DDX18: variants seen among roughly 807,000 people sequenced by gnomAD.
The protein encoded by DDX18 is ATP-dependent RNA helicase DDX18.
DDX18 carries 23 observed loss-of-function variants against 73.5 expected under a neutral mutation model. The ratio of observed to expected loss-of-function variants is 0.31; its 90% CI spans 0.23 to 0.44. The LOEUF (loss-of-function observed/expected upper bound fraction) is 0.44, where lower values mean the gene tolerates loss of function less well. DDX18 is among the 20% of genes least tolerant of loss of function. The probability of loss-of-function intolerance (pLI) is 1.00; values close to 1 mark genes in which losing one functional copy is unlikely to be tolerated. For synonymous variants in DDX18, 268 were observed against 282.7 expected (o/e 0.95, Z 0.52); for missense variants, 753 against 792.9 (o/e 0.95, Z 0.60).
rs763860711 is a variant in DDX18 at position 117,817,637 on chromosome 2, A to G, written c.279A>G (p.Leu93=). ...VTKSPQKSTV[L]TNGEAAMQSS... Reference sequence around the variant, plus strand: ...AGTCTCCCCAGAAATCCACTGTATTAACCAATGGAGAAGCAGCAATGCAGT... The same window carrying G: ...AGTCTCCCCAGAAATCCACTGTATTGACCAATGGAGAAGCAGCAATGCAGT... Residue 93 remains leucine, a synonymous_variant, in exon 2 of 14, where the codon TTA becomes TTG. Coordinates refer to ENST00000263239, the MANE Select transcript of DDX18 (RefSeq NM_006773.4). 6.2e-7 allele frequency: 1 copy of G among 1,613,930 alleles called. No individual in the cohort carries two copies. Among genetic ancestry groups the G allele is most frequent in the Non-Finnish European group, 8.5e-7 (1 of 1,179,906 alleles).
At chr2:117,821,514 A>G in intron 4 of DDX18, 136 bp from the exon 5 acceptor site, 3 of 1,110,654 alleles carry the variant, frequency 2.7e-6, no homozygotes, top group South Asian at 3.0e-5. Context: ...ATTTCAGTAT[A>G]TAACCCAGGT....
At chr2:117,818,102 A>G (rs1005016575) in intron 2 of DDX18, among the ~76,000 whole-genome samples, 7 of 152,318 alleles carry the variant, frequency 4.6e-5, no homozygotes, top group Middle Eastern at 3.4e-3. Flanking sequence ...AAGTATATAA[A>G]GTAGGAAACT....
chr2:117,831,357 T>A lies in DDX18; in HGVS notation c.*633T>A, dbSNP rs1680021516. 1 of 152,234 alleles carries A rather than the reference T, an allele frequency of 6.6e-6. No homozygotes were observed. The highest frequency in any genetic ancestry group is 1.5e-5 in the Non-Finnish European group (1 of 68,060). 9.4% of individuals were successfully genotyped at this position (152,234 alleles called of 1,614,324 possible). A position where few individuals can be genotyped will look rare whatever the true frequency, so the allele number is the denominator to read the frequency against. ...GTGTTGCATTTTTTGGAGCAAAAAC[T>A]ATGGGTTGTAATTTGAATAAAGTGT... On this transcript the variant is annotated 3_prime_UTR_variant, in exon 14 of 14. Transcript: ENST00000263239.
Position 117,825,512 on chromosome 2 carries a change from A to G in DDX18, c.1434A>G (p.Thr478=), listed in dbSNP as rs1679911550. The change falls in exon 10 of 14, where the codon ACA becomes ACG. Residue 478 remains threonine, a synonymous_variant. Transcript: ENST00000263239. ...FFQFCNADSG[T]LLCTDVAARG... is the part of the protein sequence containing the mutation. Reference sequence around the variant, plus strand: ...AGTTCTGCAATGCAGATTCGGGAACACTATTGTGTACGGATGTGGCAGCGA... The same window carrying G: ...AGTTCTGCAATGCAGATTCGGGAACGCTATTGTGTACGGATGTGGCAGCGA... The G allele has an allele frequency of 1.9e-6, 3 of 1,614,168 alleles. No individual in the cohort carries two copies. The highest frequency in any genetic ancestry group is 2.5e-6 in the Non-Finnish European group (3 of 1,180,016).
intron 8 of DDX18, 37 bp from the exon 9 acceptor site, chr2:117,824,903 T>G: frequency 2.6e-6 from 4 of 1,564,246 alleles, no homozygotes; most frequent in Non-Finnish European, 3.5e-6. Flanking sequence ...AATGTCCACT[T>G]GGTTCATTTG....
At position 117,825,054 on chromosome 2, in the gene DDX18, C is replaced by T. The variant is rs1278714563; in HGVS notation, c.1321C>T (p.His441Tyr). 1.9e-6 allele frequency: 3 copies of T among 1,613,508 alleles called. No homozygotes were observed. The highest frequency in any genetic ancestry group is 1.3e-5 in the African/African-American group (1 of 74,838). ...FFSSCMSVKY[H>Y]YELLNYIDLP... Reference sequence around the variant, plus strand: ...TTCATCTTGTATGTCTGTGAAATACCACTATGAGTTGCTGAACTACATTGA... The same window carrying T: ...TTCATCTTGTATGTCTGTGAAATACTACTATGAGTTGCTGAACTACATTGA... The change falls in exon 9 of 14, where the codon CAC becomes TAC. Residue 441 changes from histidine (H) to tyrosine (Y), a missense_variant. His to Tyr is a moderately conservative substitution (Grantham distance 83). Around this residue, in one of 3 missense-constraint regions of DDX18, gnomAD observed 402 missense variants for 419.4 expected, o/e 0.96. Coordinates refer to ENST00000263239, the MANE Select transcript of DDX18 (RefSeq NM_006773.4).
chr2:117,820,441 A>G (rs369585963), intron 3 of DDX18, among the ~76,000 whole-genome samples: 27 of 152,350 alleles, frequency 1.8e-4, no homozygotes, highest in African/African-American at 5.5e-4. Context: ...AAGATTGGTC[A>G]TCCTAAGCCT....
chr2:117,816,413 TTTTA>T (rs199727445), intron 1 of DDX18, among the ~76,000 whole-genome samples: 1 of 131,090 alleles, frequency 7.6e-6, no homozygotes, highest in Non-Finnish European at 1.6e-5. Context: ...GTGATTTTTA[TTTTA>T]TTTTTTTTTC....
In DDX18 at chr2:117,830,588, A is replaced by G. The variant is rs1241585358; in HGVS notation, c.1877A>G (p.Asn626Ser). 1 of 1,613,194 alleles carries G rather than the reference A, an allele frequency of 6.2e-7. No individual in the cohort carries two copies. Among genetic ancestry groups the G allele is most frequent in the Non-Finnish European group, 8.5e-7 (1 of 1,179,714 alleles). ...KVPPFVDLNVNSNEGKQKKRG... is the reference protein window; with the variant it reads ...KVPPFVDLNVSSNEGKQKKRG... Reference sequence around the variant, plus strand: ...CCTTAATGTTTGCCTCCAGACGTCAACAGTAATGAAGGCAAGCAGAAAAAG... The same window carrying G: ...CCTTAATGTTTGCCTCCAGACGTCAGCAGTAATGAAGGCAAGCAGAAAAAG... The change falls in exon 14 of 14, where the codon AAC becomes AGC. Residue 626 changes from asparagine (N) to serine (S), a missense_variant. Around this residue, in one of 3 missense-constraint regions of DDX18, gnomAD observed 402 missense variants for 419.4 expected, o/e 0.96. Coordinates refer to ENST00000263239, the MANE Select transcript of DDX18 (RefSeq NM_006773.4).
At position 117,814,825 on chromosome 2, in the gene DDX18, G is replaced by A; in HGVS notation, c.48G>A (p.Arg16=). The part of the protein sequence containing the change: ...MKLLRKKIEK[R]NLKLRQRNLK... ...TCCTGCGTAAGAAGATCGAGAAGCG[G>A]AACCTCAAATTGCGGCAGCGGAACC... Residue 16 remains arginine, a synonymous_variant, in exon 1 of 14, where the codon CGG becomes CGA. Coordinates refer to ENST00000263239, the MANE Select transcript of DDX18 (RefSeq NM_006773.4). The A allele has an allele frequency of 1.2e-6, 2 of 1,614,230 alleles. No individual in the cohort carries two copies. The highest frequency in any genetic ancestry group is 8.5e-7 in the Non-Finnish European group (1 of 1,180,040).
chr2:117,832,151 T>G lies in DDX18; in HGVS notation c.*1427T>G, dbSNP rs1680037271. On this transcript the variant is annotated 3_prime_UTR_variant, in exon 14 of 14. Transcript: ENST00000263239. The stretch of plus-strand genomic sequence containing the variant: ...TCCACGATCATGTTTTTCTGATTTT[T>G]TTTTTCAGAAATAATGTTTTTTAAA... 6.6e-6 allele frequency: 1 copy of G among 152,208 alleles called. No homozygotes were observed. Among genetic ancestry groups the G allele is most frequent in the African/African-American group, 2.4e-5 (1 of 41,450 alleles). The allele number at this position is 152,208 out of a possible 1,614,324, so 9.4% of individuals were successfully genotyped here. A position where few individuals can be genotyped will look rare whatever the true frequency, so the allele number is the denominator to read the frequency against.
Position 117,830,482 on chromosome 2 carries a change from TG to T in DDX18, c.1871-98del. ...ATTTTCATTGTTGAGAATGGGGTTG[TG>T]GAGGAACAGTAGTGTTCATGCCGGT... On this transcript the variant is annotated intron_variant, in intron 13 of 13. Transcript: ENST00000263239. The T allele has an allele frequency of 5.2e-6, 7 of 1,355,780 alleles. No individual in the cohort carries two copies. In the South Asian group the frequency reaches 9.0e-5, roughly 17 times the overall value. 84.0% of individuals were successfully genotyped at this position (1,355,780 alleles called of 1,614,324 possible). A position where few individuals can be genotyped will look rare whatever the true frequency, so the allele number is the denominator to read the frequency against.
chr2:117,825,944 A>G, intron 10 of DDX18: 1 of 391,236 alleles, frequency 2.6e-6, no homozygotes. Context: ...AAGTATTTTC[A>G]ACAAACACTG....
rs1171331744 is a variant in DDX18 at position 117,826,785 on chromosome 2, C to A, written c.1635+403C>A. 2.2e-5 allele frequency: 4 copies of A among 181,624 alleles called. No homozygotes were observed. In the East Asian group the frequency reaches 5.8e-4, roughly 26 times the overall value. 11.3% of individuals were successfully genotyped at this position (181,624 alleles called of 1,614,324 possible). On this transcript the variant is annotated intron_variant, in intron 11 of 13. Transcript: ENST00000263239. The stretch of plus-strand genomic sequence containing the variant: ...CTCTGCCTCCTCCCCTGCCCTCTGT[C>A]TCCTATTCATCAACTCTTGGCCTAC...
Position 117,830,983 on chromosome 2 carries a change from T to C in DDX18, c.*259T>C. ...GGTGTTTCTTGTGATGATAATATTT[T>C]AATTTTAAATATCCCTCCCTCATAC... is the stretch of plus-strand genomic sequence containing the variant. On this transcript the variant is annotated 3_prime_UTR_variant, in exon 14 of 14. Transcript: ENST00000263239. 2.5e-6 allele frequency: 1 copy of C among 402,188 alleles called. No homozygotes were observed. The allele number at this position is 402,188 out of a possible 1,614,324, so 24.9% of individuals were successfully genotyped here. A position where few individuals can be genotyped will look rare whatever the true frequency, so the allele number is the denominator to read the frequency against.
chr2:117,826,282 G>T lies in DDX18; in HGVS notation c.1535G>T (p.Arg512Leu), dbSNP rs748867652. The change falls in exon 11 of 14, where the codon CGT becomes CTT. Residue 512 changes from arginine to leucine, a missense_variant. By Grantham distance (102) the Arg-to-Leu change is moderately radical. Transcript: ENST00000263239. ...PPDDPKEYIH[R>L]VGRTARGLNG... ...TCTCCACCAAAGGAATATATTCATC[G>T]TGTGGGTAGAACAGCCAGAGGCCTA... 5.0e-6 allele frequency: 8 copies of T among 1,613,724 alleles called. No homozygotes were observed. Among genetic ancestry groups the T allele is most frequent in the East Asian group, 2.2e-5 (1 of 44,870 alleles).
In DDX18 at chr2:117,814,852, A is replaced by G. The variant is rs113043656; in HGVS notation, c.75A>G (p.Leu25=). 1.5e-5 allele frequency: 25 copies of G among 1,614,122 alleles called. No homozygotes were observed. Among genetic ancestry groups the G allele is most frequent in the African/African-American group, 1.3e-4 (10 of 75,024 alleles). ...KRNLKLRQRN[L]KFQGASNLTL... The stretch of plus-strand genomic sequence containing the variant: ...ACCTCAAATTGCGGCAGCGGAACCT[A>G]AAGTTTCAGGGTGAGATGCGTTGAC... The change falls in exon 1 of 14, where the codon CTA becomes CTG. Residue 25 remains leucine (L), a synonymous_variant. Transcript: ENST00000263239.
At chr2:117,821,583 G>A (rs1054689405) in intron 4 of DDX18, 67 bp from the exon 5 acceptor site, 1 of 1,536,200 alleles carries the variant, frequency 6.5e-7, no homozygotes, top group Non-Finnish European at 9.0e-7. Context: ...TGCCTAAGGT[G>A]TGTGTATGTA....
chr2:117,815,556 T>C (rs1333402588), intron 1 of DDX18: 1 of 152,212 alleles, frequency 6.6e-6, no homozygotes, highest in Non-Finnish European at 1.5e-5. Context: ...CGAGGGAAAG[T>C]TTGGAGGCAC....
Sources: allele counts gnomAD v4.1 joint callset (sites outside exome capture counted in the v4.1 genomes callset), GRCh38; gene constraint gnomAD v4.1.1; regional missense constraint gnomAD v4.1.1; transcripts MANE v1.5; gene names NCBI Gene and HGNC (gene_info 2026-07-23, HGNC 2026-07-21).